VPS13C: variants seen among roughly 807,000 people sequenced by gnomAD.
The protein encoded by VPS13C is intermembrane lipid transfer protein VPS13C.
A neutral mutation model predicts 456.8 loss-of-function variants in VPS13C; 358 were observed. The observed-to-expected ratio is 0.78, with a 90% CI of 0.72 to 0.86. The LOEUF (loss-of-function observed/expected upper bound fraction) is 0.86. VPS13C is among the 40% of genes least tolerant of loss of function. VPS13C has a pLI of 0.00. For missense variants in VPS13C, 4,818 were observed against 4,385.4 expected, an observed-to-expected ratio of 1.10 and a Z score of -2.79; for synonymous variants, 1,578 against 1,486.7, an observed-to-expected ratio of 1.06 and a Z score of -1.41.
chr15:62,033,680 C>T (rs770902267), intron 4 of VPS13C, 138 bp from the exon 5 acceptor site: 3 of 470,364 alleles, frequency 6.4e-6, no homozygotes, highest in East Asian at 3.6e-5. Context: ...TTTAGTTTTA[C>T]GAAACATTTA....
chr15:61,997,789 C>T (rs1424375929), intron 16 of VPS13C, among the ~76,000 whole-genome samples: 1 of 152,000 alleles, frequency 6.6e-6, no homozygotes, highest in Non-Finnish European at 1.5e-5. Flanking sequence ...CTACTATCAC[C>T]ACTCATCTCA....
intron 51 of VPS13C, 23 bp from the exon 52 acceptor site, chr15:61,927,343 C>T (rs774827918): frequency 2.3e-5 from 36 of 1,596,964 alleles, no homozygotes; most frequent in Non-Finnish European, 3.0e-5. Flanking sequence ...GCAACAGGAA[C>T]CAGAAAAGTT....
chr15:61,912,698 TAG>T (rs2140151215), intron 62 of VPS13C, among the ~76,000 whole-genome samples: 1 of 151,946 alleles, frequency 6.6e-6, no homozygotes, highest in African/African-American at 2.4e-5. Flanking sequence ...ATGTGCAGGT[TAG>T]TTACATATGT....
Position 61,872,001 on chromosome 15 carries a change from T to G in VPS13C, c.10612A>C (p.Lys3538Gln), listed in dbSNP as rs1362654889. The change falls in exon 79 of 85, where the codon AAA (lysine) becomes CAA (glutamine). Residue 3538 changes from lysine to glutamine, a missense_variant. By Grantham distance (53) the Lys-to-Gln change is moderately conservative. Around this residue, in one of 3 missense-constraint regions of VPS13C, gnomAD observed 4,552 missense variants for 4,130.6 expected, o/e 1.10. Transcript: ENST00000644861. Reference protein sequence around the residue: ...VVGGVTGIITKPVEGAKKEGA... With the variant: ...VVGGVTGIITQPVEGAKKEGA... Reference sequence around the variant, plus strand: ...ATTTTCAACATACCTTCCACAGGTTTTGTTATTATTCCAGTCACTCCACCA... The same window carrying G: ...ATTTTCAACATACCTTCCACAGGTTGTGTTATTATTCCAGTCACTCCACCA... 1.2e-6 allele frequency: 2 copies of G among 1,612,582 alleles called. No individual in the cohort carries two copies. The highest frequency in any genetic ancestry group is 2.7e-5 in the African/African-American group (2 of 74,982).
chr15:61,915,966 C>G lies in VPS13C; in HGVS notation c.8112G>C (p.Ser2704=). Residue 2704 remains serine, a synonymous_variant, in exon 61 of 85, where the codon TCG becomes TCC. Coordinates refer to ENST00000644861, the MANE Select transcript of VPS13C (RefSeq NM_020821.3). ...AEGSTADVLH[S]RISGEIMELV... is the part of the protein sequence containing the mutation. ...ATTCCATTATTTCACCACTGATTCT[C>G]GAATGCAGAACATCAGCAGTACTGC... 1 of 1,613,156 alleles carries G rather than the reference C, an allele frequency of 6.2e-7. No homozygotes were observed. The highest frequency in any genetic ancestry group is 2.2e-5 in the East Asian group (1 of 44,864).
At chr15:61,904,928 A>C (rs2043110831) in intron 66 of VPS13C, among the ~76,000 whole-genome samples, 2 of 152,090 alleles carry the variant, frequency 1.3e-5, no homozygotes, top group African/African-American at 4.8e-5. Context: ...GAGCTAAAAA[A>C]AAAAAGTGTA....
At chr15:61,995,689 T>C (rs190137779) in intron 16 of VPS13C, among the ~76,000 whole-genome samples, 1 of 152,184 alleles carries the variant, frequency 6.6e-6, no homozygotes, top group Non-Finnish European at 1.5e-5. Context: ...GAGCCTTCCA[T>C]CCCACAGCCA....
At chr15:61,925,585 T>C in intron 52 of VPS13C, 37 bp from the exon 53 acceptor site, 2 of 1,437,756 alleles carry the variant, frequency 1.4e-6, no homozygotes, top group East Asian at 4.7e-5. Context: ...TTTCCATAGA[T>C]CCATTATATA....
In VPS13C at chr15:61,873,227, G is replaced by C. The variant is rs764568896; in HGVS notation, c.10578+19C>G. The C allele has an allele frequency of 2.5e-6, 4 of 1,611,760 alleles. No individual in the cohort carries two copies. The highest frequency in any genetic ancestry group is 3.4e-6 in the Non-Finnish European group (4 of 1,178,992). ...TTTTTTAAGTTGCAGATTTCTTAAA[G>C]ATTCAGCAAAGAACTTACTCGCAGA... On this transcript the variant is annotated intron_variant, in intron 78 of 84. Transcript: ENST00000644861.
chr15:61,863,604 T>C (rs1002279123), intron 81 of VPS13C, 76 bp from the exon 82 acceptor site: 2 of 906,538 alleles, frequency 2.2e-6, no homozygotes, highest in African/African-American at 3.4e-5. Context: ...TATTAGCTAA[T>C]TATAATAATA....
intron 50 of VPS13C, among the ~76,000 whole-genome samples, chr15:61,930,637 G>T (rs376889447): frequency 2.1e-4 from 32 of 152,298 alleles, no homozygotes; most frequent in East Asian, 1.5e-3. Flanking sequence ...AAAACGGCTT[G>T]ATGATGTGAA....
chr15:61,925,632 C>G, intron 52 of VPS13C, 84 bp from the exon 53 acceptor site: 1 of 992,476 alleles, frequency 1.0e-6, no homozygotes, highest in Non-Finnish European at 1.4e-6. Context: ...TCTTACTTAA[C>G]TTGGGATCTT....
At position 61,927,316 on chromosome 15, in the gene VPS13C, G is replaced by A; in HGVS notation, c.6291C>T (p.Asp2097=). The A allele has an allele frequency of 6.2e-7, 1 of 1,611,192 alleles. No homozygotes were observed. The highest frequency in any genetic ancestry group is 8.5e-7 in the Non-Finnish European group (1 of 1,178,374). Residue 2097 remains aspartate (D), a synonymous_variant, in exon 52 of 85, where the codon GAC becomes GAT. Coordinates refer to ENST00000644861, the MANE Select transcript of VPS13C (RefSeq NM_020821.3). ...ATGKVKIEKD[D]SVRPNMTLKA... is the part of the protein sequence containing the mutation. ...TTAAAGTCATATTTGGTCTAACAGA[G>A]TCATCTGAAGAAACAAGCAACAGGA...
At chr15:61,946,461 G>T in intron 43 of VPS13C, 51 bp from the exon 44 acceptor site, 2 of 1,344,314 alleles carry the variant, frequency 1.5e-6, no homozygotes, top group Non-Finnish European at 2.1e-6. Context: ...ACATGACTAA[G>T]CCAGTGGTAT....
chr15:61,859,701 C>T (rs986321419), intron 82 of VPS13C, among the ~76,000 whole-genome samples: 4 of 152,180 alleles, frequency 2.6e-5, no homozygotes, highest in African/African-American at 9.6e-5. Context: ...TCCTCAGAGA[C>T]TCTGTCCATC....
intron 50 of VPS13C, among the ~76,000 whole-genome samples, chr15:61,930,543 C>G (rs1404135944): frequency 2.0e-5 from 3 of 152,140 alleles, no homozygotes; most frequent in Non-Finnish European, 4.4e-5. Context: ...TGTCTCATTA[C>G]TTGAGAAAAA....
At chr15:61,892,687 T>A (rs1156270606) in intron 66 of VPS13C, among the ~76,000 whole-genome samples, 2 of 152,196 alleles carry the variant, frequency 1.3e-5, no homozygotes, top group African/African-American at 4.8e-5. Flanking sequence ...CAGCCACGTG[T>A]GAGTTCTCAG....
intron 9 of VPS13C, among the ~76,000 whole-genome samples, chr15:62,015,150 C>T (rs2047185122): frequency 6.6e-6 from 1 of 152,154 alleles, no homozygotes; most frequent in African/African-American, 2.4e-5. Context: ...TATCATTAGT[C>T]ACAGTTTTCT....
At chr15:61,926,956 T>A (rs2043869669) in intron 52 of VPS13C, 135 bp downstream of exon 52, 1 of 774,394 alleles carries the variant, frequency 1.3e-6, no homozygotes, top group African/African-American at 1.8e-5. Context: ...GAATTCAATA[T>A]CTTTATATGT....
Sources: gnomAD v4.1 joint callset for allele counts (sites outside exome capture counted in the v4.1 genomes callset) on GRCh38, gnomAD v4.1.1 for gene constraint, gnomAD v4.1.1 regional missense constraint, MANE v1.5 for transcripts, NCBI Gene and HGNC (gene_info 2026-07-23, HGNC 2026-07-21) for gene names.